SPACA7: variants seen among roughly 807,000 people sequenced by gnomAD.
The protein encoded by SPACA7 is sperm acrosome associated 7.
A neutral mutation model predicts 26.3 loss-of-function variants in SPACA7; 19 were observed. That is an observed-to-expected ratio of 0.72 (90% CI 0.50 to 1.06). The LOEUF (loss-of-function observed/expected upper bound fraction) is 1.06, where lower values mean the gene tolerates loss of function less well. Ranked by LOEUF, SPACA7 falls within the 50% of genes least tolerant of loss-of-function variation. The pLI, the probability that SPACA7 is intolerant of heterozygous loss-of-function variation, is 0.00. For missense variants in SPACA7, 211 were observed against 229.9 expected, an observed-to-expected ratio of 0.92 and a Z score of 0.53; for synonymous variants, 84 against 84.5, an observed-to-expected ratio of 0.99 and a Z score of 0.04.
At chr13:112,406,275 C>A (rs1185557136) in intron 5 of SPACA7, among the ~76,000 whole-genome samples, 2 of 152,332 alleles carry the variant, frequency 1.3e-5, no homozygotes, top group Non-Finnish European at 2.9e-5. Flanking sequence ...CAGGCTCTGG[C>A]AGCCACCATT....
At chr13:112,431,074 C>T (rs554501564) in intron 5 of SPACA7, among the ~76,000 whole-genome samples, 41 of 152,256 alleles carry the variant, frequency 2.7e-4, no homozygotes, top group African/African-American at 7.7e-4. Context: ...GACCAACCAC[C>T]GGAAACAGCC....
chr13:112,397,335 G>T (rs528228359), intron 2 of SPACA7, among the ~76,000 whole-genome samples: 1 of 152,152 alleles, frequency 6.6e-6, no homozygotes, highest in Non-Finnish European at 1.5e-5. Flanking sequence ...CTGCAGCCTG[G>T]CCTGGTGACT....
At chr13:112,406,136 A>C (rs931017742) in intron 5 of SPACA7, among the ~76,000 whole-genome samples, 1 of 152,216 alleles carries the variant, frequency 6.6e-6, no homozygotes, top group Non-Finnish European at 1.5e-5. Context: ...TTAACTGTAC[A>C]GTTCCATGAT....
At chr13:112,431,151 C>T (rs1014582011) in intron 5 of SPACA7, among the ~76,000 whole-genome samples, 1 of 152,182 alleles carries the variant, frequency 6.6e-6, no homozygotes, top group Non-Finnish European at 1.5e-5. Flanking sequence ...CCTTATTAAA[C>T]ATATAAACTG....
chr13:112,391,619 G>A (rs369809071), intron 1 of SPACA7, among the ~76,000 whole-genome samples: 2 of 152,324 alleles, frequency 1.3e-5, no homozygotes, highest in East Asian at 3.9e-4. Flanking sequence ...GGTGACACAT[G>A]AAGGATATGG....
chr13:112,430,717 C>T (rs902586647), intron 5 of SPACA7, among the ~76,000 whole-genome samples: 4 of 152,166 alleles, frequency 2.6e-5, no homozygotes, highest in African/African-American at 9.7e-5. Context: ...GTATTACCCA[C>T]GGGTTTCACC....
At chr13:112,398,997 G>A in intron 3 of SPACA7, 69 bp from the exon 4 acceptor site, 2 of 918,878 alleles carry the variant, frequency 2.2e-6, no homozygotes, top group Non-Finnish European at 3.5e-6. Context: ...TAAAGCATGG[G>A]CCAAAAATGT....
intron 5 of SPACA7, among the ~76,000 whole-genome samples, chr13:112,413,942 C>A (rs902566321): frequency 6.6e-6 from 1 of 152,156 alleles, no homozygotes; most frequent in African/African-American, 2.4e-5. Flanking sequence ...CCTCAGGGAA[C>A]TTTTCCTCAT....
At chr13:112,411,877 C>A (rs1594300977) in intron 5 of SPACA7, among the ~76,000 whole-genome samples, 1 of 152,236 alleles carries the variant, frequency 6.6e-6, no homozygotes, top group Non-Finnish European at 1.5e-5. Flanking sequence ...CACGTTTGGT[C>A]TATTGTAAAT....
At chr13:112,424,170 G>T (rs1483867564) in intron 5 of SPACA7, among the ~76,000 whole-genome samples, 4 of 152,186 alleles carry the variant, frequency 2.6e-5, no homozygotes, top group African/African-American at 7.2e-5. Flanking sequence ...CCGCCCGAAG[G>T]CACCGCATGT....
intron 5 of SPACA7, among the ~76,000 whole-genome samples, chr13:112,401,875 G>A (rs982423191): frequency 3.9e-5 from 6 of 152,148 alleles, no homozygotes; most frequent in African/African-American, 1.2e-4. Context: ...AAAGCCACAC[G>A]TATTACACAC....
chr13:112,379,522 ATAACTT>A (rs1883908950), intron 1 of SPACA7, among the ~76,000 whole-genome samples: 1 of 152,238 alleles, frequency 6.6e-6, no homozygotes. Flanking sequence ...ATTAGGACTC[ATAACTT>A]TATACCAGGA....
intron 5 of SPACA7, among the ~76,000 whole-genome samples, chr13:112,413,050 A>C (rs1886449738): frequency 6.6e-6 from 1 of 152,124 alleles, no homozygotes; most frequent in South Asian, 2.1e-4. Context: ...ATCTCTTTAA[A>C]ATTATTATTT....
At chr13:112,399,255 A>T (rs1885482093) in intron 4 of SPACA7, 82 bp downstream of exon 4, 1 of 784,596 alleles carries the variant, frequency 1.3e-6, no homozygotes, top group Non-Finnish European at 2.3e-6. Flanking sequence ...AGGCGGAAAC[A>T]TCTCCTTCCT....
chr13:112,400,081 A>G (rs1885537416), intron 4 of SPACA7, among the ~76,000 whole-genome samples: 1 of 152,016 alleles, frequency 6.6e-6, no homozygotes, highest in South Asian at 2.1e-4. Flanking sequence ...GGGGACACAG[A>G]GCCAAACCAT....
chr13:112,418,462 C>A (rs1886827023), intron 5 of SPACA7, among the ~76,000 whole-genome samples: 1 of 151,936 alleles, frequency 6.6e-6, no homozygotes, highest in Non-Finnish European at 1.5e-5. Flanking sequence ...TCTACCAGCA[C>A]AGGAAAATGG....
At chr13:112,386,503 T>C (rs559179067) in intron 1 of SPACA7, among the ~76,000 whole-genome samples, 1 of 152,132 alleles carries the variant, frequency 6.6e-6, no homozygotes, top group South Asian at 2.1e-4. Flanking sequence ...TGTTTTTTGG[T>C]GTTTGTTTGC....
At chr13:112,395,113 C>T (rs762741598) in intron 2 of SPACA7, among the ~76,000 whole-genome samples, 24 of 152,182 alleles carry the variant, frequency 1.6e-4, no homozygotes, top group Non-Finnish European at 3.2e-4. Context: ...CCATCACGTG[C>T]AATTTCAGAG....
rs1876316703 is a variant in SPACA7, at chr13:112,424,342, C to T, written c.446-8102C>T. Among the ~76,000 whole-genome samples the T allele has an allele frequency of 3.9e-5, 6 of 152,182 alleles. No homozygotes were observed. The South Asian group carries it at 1.2e-3, about 32-fold the overall frequency. On this transcript the variant is annotated intron_variant, in intron 5 of 6. Coordinates refer to ENST00000283550, the MANE Select transcript of SPACA7 (RefSeq NM_145248.5). The stretch of plus-strand genomic sequence containing the variant: ...TTCTCATCACACTGAAGTGGAGCTT[C>T]TGCTTCTTCCCCAGTTACGGCTTCC...
Sources: allele counts gnomAD v4.1 joint callset (sites outside exome capture counted in the v4.1 genomes callset), GRCh38; gene constraint gnomAD v4.1.1; transcripts MANE v1.5; gene names NCBI Gene and HGNC (gene_info 2026-07-23, HGNC 2026-07-21).